MAP3K5: variants seen among roughly 807,000 people sequenced by gnomAD.
MAP3K5 encodes ASK-1.
Under a neutral mutation model 158.7 loss-of-function variants are expected in MAP3K5, and 56 were observed. That is an observed-to-expected ratio of 0.35 (90% confidence interval 0.28 to 0.44). MAP3K5 has a LOEUF of 0.44. MAP3K5 is among the 20% of genes least tolerant of loss of function. MAP3K5 has a pLI of 1.00. For synonymous variants in MAP3K5, 579 were observed against 601.7 expected (o/e 0.96, Z 0.55); for missense variants, 1,294 against 1,674.8 (o/e 0.77, Z 3.97).
chr6:136,655,654 G>A (rs1482856447), intron 10 of MAP3K5, among the ~76,000 whole-genome samples: 1 of 152,080 alleles, frequency 6.6e-6, no homozygotes, highest in Non-Finnish European at 1.5e-5. Flanking sequence ...ACGATATTAA[G>A]AACCATCCAG....
intron 7 of MAP3K5, among the ~76,000 whole-genome samples, chr6:136,673,002 A>AG (rs1014360067): frequency 2.7e-5 from 4 of 150,934 alleles, no homozygotes; most frequent in East Asian, 1.9e-4. Flanking sequence ...AAAAAAAAAA[A>AG]AAAGAAAAAG....
chr6:136,589,659 T>C (rs1775296473), intron 23 of MAP3K5, among the ~76,000 whole-genome samples: 1 of 152,100 alleles, frequency 6.6e-6, no homozygotes, highest in Non-Finnish European at 1.5e-5. Flanking sequence ...GGTGGGGCCC[T>C]AATCCAATTG....
intron 21 of MAP3K5, 127 bp from the exon 22 acceptor site, chr6:136,592,741 T>G (rs1775450288): frequency 9.6e-6 from 8 of 837,170 alleles, no homozygotes; most frequent in Non-Finnish European, 1.6e-5. Flanking sequence ...ATAATTATGC[T>G]ATGTAAGGGA....
chr6:136,621,037 G>A (rs1776775134), intron 15 of MAP3K5, among the ~76,000 whole-genome samples: 1 of 151,898 alleles, frequency 6.6e-6, no homozygotes, highest in Non-Finnish European at 1.5e-5. Flanking sequence ...TGCGGTTTTT[G>A]CCATTAATTA....
intron 25 of MAP3K5, among the ~76,000 whole-genome samples, chr6:136,575,891 A>T (rs976234978): frequency 2.6e-5 from 4 of 152,162 alleles, no homozygotes; most frequent in African/African-American, 4.8e-5. Flanking sequence ...TGTAGTTAGT[A>T]AATATCTTGT....
chr6:136,611,914 A>G (rs1430700166), intron 17 of MAP3K5, among the ~76,000 whole-genome samples: 18 of 152,168 alleles, frequency 1.2e-4, no homozygotes, highest in Admixed American at 1.2e-3. Context: ...TTGTTCCTAT[A>G]ATTGACATCA....
intron 1 of MAP3K5, among the ~76,000 whole-genome samples, chr6:136,787,302 C>G (rs1384523997): frequency 6.6e-6 from 1 of 152,236 alleles, no homozygotes. Flanking sequence ...AGCCCAGCAT[C>G]CTGGCACAGA....
chr6:136,604,062 C>T (rs368328480), intron 19 of MAP3K5, among the ~76,000 whole-genome samples: 5 of 152,192 alleles, frequency 3.3e-5, no homozygotes, highest in Non-Finnish European at 5.9e-5. Flanking sequence ...TGGCTCATGC[C>T]GGTAATCCCA....
intron 18 of MAP3K5, among the ~76,000 whole-genome samples, chr6:136,610,578 G>A (rs1361725100): frequency 6.8e-6 from 1 of 148,010 alleles, no homozygotes; most frequent in African/African-American, 2.5e-5. Flanking sequence ...CAGAGAGGTT[G>A]GGCCAAGGAA....
chr6:136,739,015 A>G (rs1262624663), intron 1 of MAP3K5, among the ~76,000 whole-genome samples: 1 of 152,130 alleles, frequency 6.6e-6, no homozygotes, highest in Non-Finnish European at 1.5e-5. Flanking sequence ...ATCTAGCAAG[A>G]GAAGAGACAA....
At chr6:136,662,275 G>A (rs895001744) in intron 8 of MAP3K5, among the ~76,000 whole-genome samples, 2 of 152,192 alleles carry the variant, frequency 1.3e-5, no homozygotes, top group African/African-American at 4.8e-5. Context: ...TTCCCAGTGA[G>A]GGGGACTATC....
At chr6:136,783,721 A>G (rs531920740) in intron 1 of MAP3K5, among the ~76,000 whole-genome samples, 1 of 152,352 alleles carries the variant, frequency 6.6e-6, no homozygotes, top group South Asian at 2.1e-4. Context: ...GGGAGGGGCC[A>G]TCATTGCACA....
chr6:136,662,979 A>C (rs1399337616), intron 8 of MAP3K5, among the ~76,000 whole-genome samples: 2 of 152,186 alleles, frequency 1.3e-5, no homozygotes, highest in Non-Finnish European at 2.9e-5. Context: ...TTAATCATTT[A>C]CTTTTTGTCA....
chr6:136,656,262 C>A (rs1418710918), intron 10 of MAP3K5, 45 bp downstream of exon 10: 3 of 1,570,020 alleles, frequency 1.9e-6, no homozygotes, highest in East Asian at 4.5e-5. Flanking sequence ...ACAAGATGTT[C>A]TTTAAATAAA....
At position 136,728,920 on chromosome 6, in the gene MAP3K5, G is replaced by A. The variant is rs534923657; in HGVS notation, c.449-8331C>T. ...GAGCCACTACACTTACAAAAGGAAAGGGAAGAGAGGAAAAGGGAGAAACCT... is the reference window on the plus strand; with the variant it reads ...GAGCCACTACACTTACAAAAGGAAAAGGAAGAGAGGAAAAGGGAGAAACCT... On this transcript the variant is annotated intron_variant, in intron 1 of 29. Coordinates refer to ENST00000359015, the MANE Select transcript of MAP3K5 (RefSeq NM_005923.4). Among the ~76,000 whole-genome samples the A allele has an allele frequency of 3.9e-5, 6 of 152,096 alleles. No homozygotes were observed. The East Asian group carries it at 1.2e-3, about 29-fold the overall frequency.
At chr6:136,576,496 A>G (rs1011984364) in intron 25 of MAP3K5, among the ~76,000 whole-genome samples, 28 of 152,024 alleles carry the variant, frequency 1.8e-4, no homozygotes, top group African/African-American at 6.8e-4. Context: ...TTTTAGAGAC[A>G]GGGTCTTGAT....
At chr6:136,577,770 T>C (rs960818171) in intron 25 of MAP3K5, among the ~76,000 whole-genome samples, 1 of 152,238 alleles carries the variant, frequency 6.6e-6, no homozygotes, top group Non-Finnish European at 1.5e-5. Context: ...CACACAGCTC[T>C]TCCTAATATA....
intron 3 of MAP3K5, among the ~76,000 whole-genome samples, chr6:136,702,745 G>A (rs1362417993): frequency 6.6e-6 from 1 of 152,156 alleles, no homozygotes; most frequent in African/African-American, 2.4e-5. Context: ...GCCTAGGCTG[G>A]AGCACAGTGA....
chr6:136,636,122 T>C (rs1372565741), intron 14 of MAP3K5, among the ~76,000 whole-genome samples: 1 of 152,120 alleles, frequency 6.6e-6, no homozygotes, highest in Non-Finnish European at 1.5e-5. Context: ...CCCAAATTCC[T>C]ATGTTGAAAT....
Sources: gnomAD v4.1 joint callset for allele counts (sites outside exome capture counted in the v4.1 genomes callset) on GRCh38, gnomAD v4.1.1 for gene constraint, MANE v1.5 for transcripts, NCBI Gene and HGNC (gene_info 2026-07-23, HGNC 2026-07-21) for gene names.